Variants in PLG observed in about 807,000 individuals in gnomAD.
The protein encoded by PLG is plasmin.
PLG carries 41 observed loss-of-function variants against 104.4 expected under a neutral mutation model. That is an observed-to-expected ratio of 0.39 (90% CI 0.31 to 0.51). The LOEUF (loss-of-function observed/expected upper bound fraction) is 0.51. Ranked by LOEUF, PLG falls within the 20% of genes least tolerant of loss-of-function variation. PLG has a pLI of 0.76. For missense variants in PLG, 891 were observed against 1,003.6 expected (o/e 0.89, Z 1.52); for synonymous variants, 337 against 357.1 (o/e 0.94, Z 0.63).
chr6:160,730,800 A>G (rs1777986939), intron 10 of PLG: 3 of 402,250 alleles, frequency 7.5e-6, no homozygotes, highest in Non-Finnish European at 4.6e-6. Flanking sequence ...ATGTTTATGT[A>G]TGATCTGAGT....
intron 4 of PLG, among the ~76,000 whole-genome samples, chr6:160,712,734 A>G (rs1327642169): frequency 6.6e-6 from 1 of 152,172 alleles, no homozygotes; most frequent in East Asian, 1.9e-4. Flanking sequence ...ATTTCTCCTG[A>G]CTGTGCAATA....
intron 10 of PLG, among the ~76,000 whole-genome samples, chr6:160,727,464 A>T (rs73784942): frequency 6.6e-6 from 1 of 151,002 alleles, no homozygotes; most frequent in Non-Finnish European, 1.5e-5. Flanking sequence ...AAAAAAAAAA[A>T]CCCTAGTTGT....
At chr6:160,711,257 A>C (rs566645496) in intron 4 of PLG, 66 bp downstream of exon 4, 1 of 1,491,530 alleles carries the variant, frequency 6.7e-7, no homozygotes, top group African/African-American at 1.4e-5. Context: ...TCTGTGAGGG[A>C]TTGGTTCCAG....
chr6:160,722,369 A>G (rs773855126), intron 9 of PLG, 39 bp from the exon 10 acceptor site: 2 of 1,522,582 alleles, frequency 1.3e-6, no homozygotes, highest in South Asian at 2.2e-5. Context: ...CTTTTTTTTC[A>G]GTAATTGTTA....
chr6:160,743,770 C>T (rs1317466450), intron 17 of PLG, among the ~76,000 whole-genome samples: 1 of 152,120 alleles, frequency 6.6e-6, no homozygotes, highest in Non-Finnish European at 1.5e-5. Flanking sequence ...AGCTTTTGCC[C>T]ATTTAGTATG....
chr6:160,733,528 T>TAAA (rs1562378964), intron 12 of PLG, among the ~76,000 whole-genome samples: 1 of 134,012 alleles, frequency 7.5e-6, no homozygotes, highest in Non-Finnish European at 1.6e-5. Flanking sequence ...TTTGCCAAAA[T>TAAA]AATAATAATA....
Position 160,743,871 on chromosome 6 carries a change from G to A in PLG, c.2125+2454G>A, listed in dbSNP as rs1778235876. On this transcript the variant is annotated intron_variant, in intron 17 of 18. Transcript: ENST00000308192. ...TTTATTGAGAGTTTTCAATATAAAG[G>A]ATGGTAAATTTTATCAAAATCCTTT... Among the ~76,000 whole-genome samples, 3 of 152,112 alleles carry A rather than the reference G, an allele frequency of 2.0e-5. No individual in the cohort carries two copies. The South Asian group carries it at 6.2e-4, about 32-fold the overall frequency.
intron 2 of PLG, 26 bp from the exon 3 acceptor site, chr6:160,707,674 A>T: frequency 6.5e-7 from 1 of 1,541,172 alleles, no homozygotes; most frequent in Non-Finnish European, 9.0e-7. Flanking sequence ...AAAAATACTT[A>T]TTGGATTTCC....
Position 160,704,816 on chromosome 6 carries a change from A to T in PLG, c.50-1591A>T, listed in dbSNP as rs1408325025. On this transcript the variant is annotated intron_variant, in intron 1 of 18. Transcript: ENST00000308192. ...TGCATGAATCGATGAGCATGCATCCACCTCCCTGTCCTGCCCCTTGTGCTC... is the reference window on the plus strand; with the variant it reads ...TGCATGAATCGATGAGCATGCATCCTCCTCCCTGTCCTGCCCCTTGTGCTC... 1.1e-4 allele frequency among the ~76,000 whole-genome samples: 16 copies of T among 151,972 alleles called. No homozygotes were observed. The East Asian group carries it at 2.5e-3, about 24-fold the overall frequency.
chr6:160,730,994 G>C (rs539825591), intron 10 of PLG, 57 bp from the exon 11 acceptor site: 1 of 1,532,432 alleles, frequency 6.5e-7, no homozygotes, highest in Non-Finnish European at 9.0e-7. Context: ...AGAGGGTGCT[G>C]GGTGCCCCTG....
intron 3 of PLG, 48 bp downstream of exon 3, chr6:160,707,854 C>A (rs1192702474): frequency 3.2e-6 from 4 of 1,230,804 alleles, no homozygotes; most frequent in Non-Finnish European, 4.8e-6. Flanking sequence ...CCCATCCTCC[C>A]ACTCTTCCTC....
Position 160,748,362 on chromosome 6 carries a change from A to AAGAAAGAAAGAAAGAGAGAGAGAGAGAG in PLG, c.2126-3738_2126-3737insGAGAGAGAGAGAGAGAAAGAAAGAAAGA, listed in dbSNP as rs1445632501. Among the ~76,000 whole-genome samples, 136 of 37,028 alleles carry AAGAAAGAAAGAAAGAGAGAGAGAGAGAG rather than the reference A, an allele frequency of 3.7e-3. 12 individuals carry two copies. In the East Asian group the frequency reaches 0.15, roughly 41 times the overall value. 24.3% of individuals were successfully genotyped at this position (37,028 alleles called of 152,430 possible). ...GGAAGAAAAGAAAGAGAAAGAAAGA[A>AAGAAAGAAAGAAAGAGAGAGAGAGAGAG]AGAAAGAAAGAAAGAAAGAAAGAAA... On this transcript the variant is annotated intron_variant, in intron 17 of 18. Transcript: ENST00000308192.
chr6:160,733,492 C>T (rs4252138), intron 12 of PLG, among the ~76,000 whole-genome samples: 3,133 of 151,942 alleles, frequency 0.021, 129 homozygotes, highest in African/African-American at 0.072. Context: ...ACAGGAAGGA[C>T]GGCTTTAGAG....
intron 17 of PLG, among the ~76,000 whole-genome samples, chr6:160,743,245 T>C (rs1361904460): frequency 6.6e-6 from 1 of 152,198 alleles, no homozygotes; most frequent in Non-Finnish European, 1.5e-5. Flanking sequence ...GTAAATTACT[T>C]TGGGCAGTAT....
At chr6:160,715,261 T>TAC (rs1777710415) in intron 6 of PLG, among the ~76,000 whole-genome samples, 7 of 152,236 alleles carry the variant, frequency 4.6e-5, no homozygotes, top group African/African-American at 7.2e-5. Context: ...TCTTCAGAAA[T>TAC]GCACACACAC....
rs775335671 is a variant in PLG, at chr6:160,718,770, G to A, written c.1028G>A (p.Arg343Gln). The A allele has an allele frequency of 1.1e-5, 18 of 1,613,412 alleles. 1 individual carries two copies. In the East Asian group the frequency reaches 2.7e-4, roughly 24 times the overall value. ...TGCCATACAACCAACAGCCAAGTGCGGTGGGAGTACTGTAAGATACCGTCC... is the reference window on the plus strand; with the variant it reads ...TGCCATACAACCAACAGCCAAGTGCAGTGGGAGTACTGTAAGATACCGTCC... ...PWCHTTNSQV[R>Q]WEYCKIPSCD... Residue 343 changes from arginine to glutamine, a missense_variant, in exon 9 of 19, where the codon CGG becomes CAG. Arg to Gln is a conservative substitution (Grantham distance 43). Coordinates refer to ENST00000308192, the MANE Select transcript of PLG (RefSeq NM_000301.5).
At chr6:160,721,619 T>A (rs1464959553) in intron 9 of PLG, among the ~76,000 whole-genome samples, 2 of 152,218 alleles carry the variant, frequency 1.3e-5, no homozygotes, top group East Asian at 3.8e-4. Flanking sequence ...ATACACATAA[T>A]CTAACCCCAT....
In PLG at chr6:160,711,107, G is replaced by A; in HGVS notation, c.323G>A (p.Gly108Glu). The A allele has an allele frequency of 6.2e-7, 1 of 1,612,236 alleles. No homozygotes were observed. The highest frequency in any genetic ancestry group is 8.5e-7 in the Non-Finnish European group (1 of 1,178,322). Residue 108 changes from glycine (G) to glutamate (E), a missense_variant, in exon 4 of 19, where the codon GGA becomes GAA. By Grantham distance (98) the Gly-to-Glu change is moderately conservative (BLOSUM62 -2). This residue lies in a region of PLG where 854 missense variants were observed against 932.1 expected (regional missense o/e 0.92). Transcript: ENST00000308192. ...CTCTCAGAGTGCAAGACTGGGAATGGAAAGAACTACAGAGGGACGATGTCC... is the reference window on the plus strand; with the variant it reads ...CTCTCAGAGTGCAAGACTGGGAATGAAAAGAACTACAGAGGGACGATGTCC... Reference protein sequence around the residue: ...VYLSECKTGNGKNYRGTMSKT... With the variant: ...VYLSECKTGNEKNYRGTMSKT...
At chr6:160,721,916 G>C (rs1562375861) in intron 9 of PLG, among the ~76,000 whole-genome samples, 1 of 152,184 alleles carries the variant, frequency 6.6e-6, no homozygotes, top group Non-Finnish European at 1.5e-5. Flanking sequence ...ACCACTCTCT[G>C]AGAAGCTGTG....
Sources: allele counts gnomAD v4.1 joint callset (sites outside exome capture counted in the v4.1 genomes callset), GRCh38; gene constraint gnomAD v4.1.1; regional missense constraint gnomAD v4.1.1; transcripts MANE v1.5; gene names NCBI Gene and HGNC (gene_info 2026-07-23, HGNC 2026-07-21).